The following GRID1 variants were observed in gnomAD, a reference collection of about 807,000 sequenced individuals.
GRID1 encodes the protein glutamate receptor ionotropic, delta-1.
In GRID1, 28 loss-of-function variants were observed where a neutral mutation model predicts 98.0. The observed-to-expected ratio is 0.29, with a 90% CI of 0.21 to 0.39. The LOEUF is 0.39. Ranked by LOEUF, GRID1 falls within the 10% of genes least tolerant of loss-of-function variation. The probability of loss-of-function intolerance (pLI) is 1.00; values close to 1 mark genes in which losing one functional copy is unlikely to be tolerated. For missense variants in GRID1, 1,111 were observed against 1,340.5 expected, an observed-to-expected ratio of 0.83 and a Z score of 2.67; for synonymous variants, 553 against 538.5, an observed-to-expected ratio of 1.03 and a Z score of -0.37.
chr10:85,649,299 A>C (rs890057463), intron 12 of GRID1, among the ~76,000 whole-genome samples: 1 of 152,232 alleles, frequency 6.6e-6, no homozygotes, highest in Admixed American at 6.5e-5. Context: ...TGTGGCCCAG[A>C]AACAGAGCTC....
chr10:86,154,075 G>A (rs1845209329), intron 3 of GRID1, among the ~76,000 whole-genome samples: 1 of 152,174 alleles, frequency 6.6e-6, no homozygotes, highest in South Asian at 2.1e-4. Context: ...GGGCTCCGAG[G>A]AAGGTGCAGA....
intron 4 of GRID1, among the ~76,000 whole-genome samples, chr10:86,028,836 C>T (rs1161762470): frequency 6.6e-6 from 1 of 152,100 alleles, no homozygotes; most frequent in Non-Finnish European, 1.5e-5. Context: ...AAAAAAAAGT[C>T]CCAGCTCTTC....
chr10:86,294,202 T>C (rs1455455674), intron 2 of GRID1, among the ~76,000 whole-genome samples: 1 of 152,124 alleles, frequency 6.6e-6, no homozygotes, highest in East Asian at 1.9e-4. Context: ...AAGAGAGGTA[T>C]ACCGGTTCTG....
At chr10:85,696,399 G>A (rs1193793610) in intron 12 of GRID1, among the ~76,000 whole-genome samples, 1 of 151,840 alleles carries the variant, frequency 6.6e-6, no homozygotes, top group Non-Finnish European at 1.5e-5. Flanking sequence ...AATTGGCTAG[G>A]TAAAAAAGCA....
chr10:85,767,590 T>TTGCC (rs1173497404), intron 8 of GRID1, among the ~76,000 whole-genome samples: 1 of 152,214 alleles, frequency 6.6e-6, no homozygotes, highest in Non-Finnish European at 1.5e-5. Context: ...CTGTTGTTAA[T>TTGCC]CATTCCATGG....
In GRID1 at chr10:86,206,518, C is replaced by A; in HGVS notation, c.366G>T (p.Gly122=). 1 of 1,614,222 alleles carries A rather than the reference C, an allele frequency of 6.2e-7. No individual in the cohort carries two copies. The highest frequency in any genetic ancestry group is 8.5e-7 in the Non-Finnish European group (1 of 1,180,052). ...PHLFVQRNPG[G]SPRTACHLNP... is the part of the protein sequence containing the mutation. ...TCAGGTGGCATGCGGTGCGTGGCGA[C>A]CCTCCCGGGTTGCGCTGGACAAAGA... Residue 122 remains glycine, a synonymous_variant, in exon 3 of 16, where the codon GGG becomes GGT. Transcript: ENST00000327946. This position sits in a 1 kb window ranked among gnomAD's most constrained non-coding sequence, Gnocchi z 4.1.
chr10:85,672,160 C>T (rs1041738687), intron 12 of GRID1, among the ~76,000 whole-genome samples: 8 of 152,000 alleles, frequency 5.3e-5, no homozygotes, highest in East Asian at 1.9e-4. Flanking sequence ...ATGCAATGGC[C>T]TTCTATTGGA....
chr10:86,347,114 A>G (rs1248728484), intron 2 of GRID1, among the ~76,000 whole-genome samples: 7 of 114,484 alleles, frequency 6.1e-5, no homozygotes, highest in Non-Finnish European at 1.2e-4. Flanking sequence ...CACAGAGCTC[A>G]AAGCCTGGCC....
intron 6 of GRID1, among the ~76,000 whole-genome samples, 198 bp from the exon 7 acceptor site, chr10:85,856,388 GC>G (rs1348355421): frequency 1.3e-5 from 2 of 152,190 alleles, no homozygotes; most frequent in African/African-American, 4.8e-5. Flanking sequence ...ATAAGACCTT[GC>G]CCTGCCTCAG....
chr10:86,126,434 G>A (rs1009068495), intron 4 of GRID1, among the ~76,000 whole-genome samples: 1 of 152,096 alleles, frequency 6.6e-6, no homozygotes, highest in Non-Finnish European at 1.5e-5. Flanking sequence ...CAGCCTGGGC[G>A]ACAGAGTGAG....
chr10:85,723,565 T>C (rs1841727574), intron 11 of GRID1, among the ~76,000 whole-genome samples: 4 of 152,148 alleles, frequency 2.6e-5, no homozygotes. Flanking sequence ...TAACTCCTAC[T>C]ACATGGAGGG....
intron 8 of GRID1, among the ~76,000 whole-genome samples, chr10:85,782,742 G>A (rs1211725353): frequency 1.3e-5 from 2 of 152,250 alleles, no homozygotes; most frequent in Non-Finnish European, 2.9e-5. Flanking sequence ...AATACTGCCA[G>A]GGCAGCTGCT....
intron 3 of GRID1, among the ~76,000 whole-genome samples, chr10:86,159,047 C>G (rs1429392032): frequency 1.3e-5 from 2 of 152,132 alleles, no homozygotes; most frequent in Non-Finnish European, 2.9e-5. Context: ...GCGCCCGCGA[C>G]CATGCCCGGC....
intron 4 of GRID1, among the ~76,000 whole-genome samples, chr10:86,009,754 A>G (rs1473944876): frequency 6.6e-6 from 1 of 152,228 alleles, no homozygotes; most frequent in Non-Finnish European, 1.5e-5. Context: ...TGTTATGTGG[A>G]ATTTTCCTAA....
chr10:85,796,171 A>G (rs963187547), intron 8 of GRID1, among the ~76,000 whole-genome samples: 2 of 152,224 alleles, frequency 1.3e-5, no homozygotes, highest in Non-Finnish European at 2.9e-5. Flanking sequence ...GGAATCACAG[A>G]TAATTCTGGG....
At chr10:86,085,496 A>T (rs1180475193) in intron 4 of GRID1, among the ~76,000 whole-genome samples, 1 of 152,158 alleles carries the variant, frequency 6.6e-6, no homozygotes, top group Non-Finnish European at 1.5e-5. Flanking sequence ...TACTCTCCCA[A>T]TTGTACTCTC....
chr10:85,865,955 GGAGAGAGAGAGAGAGAGAGA>G (rs11468652), intron 6 of GRID1, among the ~76,000 whole-genome samples: 6,171 of 84,694 alleles, frequency 0.073, 371 homozygotes, highest in Middle Eastern at 0.1. Flanking sequence ...ACATATATAT[GGAGAGAGAGAGAGAGAGAGA>G]GAGAGAGAGA....
chr10:85,669,294 C>A (rs915430553), intron 12 of GRID1, among the ~76,000 whole-genome samples: 1 of 152,164 alleles, frequency 6.6e-6, no homozygotes, highest in African/African-American at 2.4e-5. Context: ...ATGAGCCAGG[C>A]AATGTGTAGA....
chr10:85,638,804 T>C (rs1274417611), intron 13 of GRID1, among the ~76,000 whole-genome samples: 1 of 152,290 alleles, frequency 6.6e-6, no homozygotes, highest in Admixed American at 6.5e-5. Flanking sequence ...AGAAGATACA[T>C]GGATGGCCAA....
Sources: allele counts gnomAD v4.1 joint callset (sites outside exome capture counted in the v4.1 genomes callset), GRCh38; gene constraint gnomAD v4.1.1; non-coding constraint Gnocchi (gnomAD v3.1); transcripts MANE v1.5; gene names NCBI Gene and HGNC (gene_info 2026-07-23, HGNC 2026-07-21).